The following SAMD3 variants were observed in gnomAD, a reference collection of about 807,000 sequenced individuals.
SAMD3 encodes the protein sterile alpha motif domain containing 3, also known as sterile alpha motif domain-containing protein 3.
Under a neutral mutation model 58.5 loss-of-function variants are expected in SAMD3, and 63 were observed. The observed-to-expected ratio is 1.08, with a 90% confidence interval of 0.88 to 1.33. The LOEUF is 1.33. Ranked by LOEUF, SAMD3 falls within the 40% of genes most tolerant of loss-of-function variation. SAMD3 has a pLI of 0.00. For synonymous variants in SAMD3, 220 were observed against 210.3 expected (o/e 1.05, Z -0.40); for missense variants, 604 against 608.4 (o/e 0.99, Z 0.08).
chr6:130,307,367 C>T (rs535541813), intron 2 of SAMD3, among the ~76,000 whole-genome samples: 17 of 152,246 alleles, frequency 1.1e-4, no homozygotes, highest in African/African-American at 3.1e-4. Flanking sequence ...TGAAAAATTA[C>T]GTAGCTAATC....
chr6:130,172,299 G>T (rs1297859259), intron 8 of SAMD3, among the ~76,000 whole-genome samples: 1 of 151,362 alleles, frequency 6.6e-6, no homozygotes, highest in Non-Finnish European at 1.5e-5. Flanking sequence ...AGTTTATCGC[G>T]GCATTGGTCT....
chr6:130,169,639 C>T (rs756001918), intron 8 of SAMD3, among the ~76,000 whole-genome samples: 1 of 152,122 alleles, frequency 6.6e-6, no homozygotes, highest in South Asian at 2.1e-4. Flanking sequence ...CTGGATTGAC[C>T]ATAGCAGGGT....
intron 5 of SAMD3, among the ~76,000 whole-genome samples, chr6:130,202,607 ATAGATGT>A (rs1234434897): frequency 6.6e-6 from 1 of 152,220 alleles, no homozygotes; most frequent in African/African-American, 2.4e-5. Flanking sequence ...TGTAATGTTA[ATAGATGT>A]TACACAAAGA....
At chr6:130,212,922 G>T (rs1795689927) in intron 4 of SAMD3, among the ~76,000 whole-genome samples, 1 of 152,160 alleles carries the variant, frequency 6.6e-6, no homozygotes. Flanking sequence ...TTCATCAAAA[G>T]TTACATGTTC....
intron 2 of SAMD3, among the ~76,000 whole-genome samples, chr6:130,254,370 A>C (rs75115023): frequency 6.6e-6 from 1 of 151,566 alleles, no homozygotes; most frequent in Non-Finnish European, 1.5e-5. Flanking sequence ...AATCTTTTGT[A>C]TGTTTGATAG....
chr6:130,331,634 G>T (rs369336182), intron 1 of SAMD3, among the ~76,000 whole-genome samples: 1 of 152,126 alleles, frequency 6.6e-6, no homozygotes, highest in Non-Finnish European at 1.5e-5. Flanking sequence ...CTGGAGAGTC[G>T]CTTGAACCCG....
At chr6:130,260,350 G>A (rs1774078078) in intron 2 of SAMD3, among the ~76,000 whole-genome samples, 1 of 152,196 alleles carries the variant, frequency 6.6e-6, no homozygotes, top group Admixed American at 6.5e-5. Context: ...GAAAGACATT[G>A]TGAAACTTCC....
intron 8 of SAMD3, among the ~76,000 whole-genome samples, chr6:130,164,853 G>A (rs1404670338): frequency 6.6e-6 from 1 of 152,146 alleles, no homozygotes; most frequent in African/African-American, 2.4e-5. Context: ...GGTAGAGAAG[G>A]ACAATCCTGC....
intron 7 of SAMD3, 30 bp from the exon 8 acceptor site, chr6:130,176,038 C>T: frequency 6.3e-7 from 1 of 1,577,290 alleles, no homozygotes. Flanking sequence ...AGTTAATCTT[C>T]AAGGAGATTG....
intron 2 of SAMD3, among the ~76,000 whole-genome samples, chr6:130,305,594 A>T (rs571779728): frequency 6.6e-6 from 1 of 152,294 alleles, no homozygotes; most frequent in African/African-American, 2.4e-5. Flanking sequence ...CCAGTTAGAT[A>T]AGAATTTTAG....
At chr6:130,182,061 T>C (rs1792385811) in intron 7 of SAMD3, among the ~76,000 whole-genome samples, 1 of 99,368 alleles carries the variant, frequency 1.0e-5, no homozygotes, top group African/African-American at 4.1e-5. Flanking sequence ...CAAGACTCTG[T>C]CTCAAAAAAA....
At chr6:130,323,799 T>C (rs1776662453) in intron 1 of SAMD3, among the ~76,000 whole-genome samples, 2 of 45,282 alleles carry the variant, frequency 4.4e-5, no homozygotes, top group Non-Finnish European at 6.6e-5. Flanking sequence ...GTAGACTCTG[T>C]CTCAAAAAAA....
chr6:130,253,196 A>G (rs1290540019), intron 2 of SAMD3, among the ~76,000 whole-genome samples: 1 of 152,180 alleles, frequency 6.6e-6, no homozygotes, highest in African/African-American at 2.4e-5. Flanking sequence ...ATTAGTGACA[A>G]GTTTCCTGTG....
Position 130,310,939 on chromosome 6 carries a change from T to C in SAMD3, c.-188+2039A>G, listed in dbSNP as rs373649656. On this transcript the variant is annotated intron_variant, in intron 2 of 13. Transcript: ENST00000368134. ...TGATTAAAACTGAAATCACAGCTAA[T>C]ATTCTTTTTCGGGGGATTAAGCAGG... 1.9e-3 allele frequency among the ~76,000 whole-genome samples: 286 copies of C among 152,302 alleles called. 2 individuals are homozygous for C. Among genetic ancestry groups the C allele is most frequent in the African/African-American group, 6.6e-3 (274 of 41,568 alleles).
At chr6:130,173,703 C>T (rs568933436) in intron 8 of SAMD3, among the ~76,000 whole-genome samples, 87 of 152,318 alleles carry the variant, frequency 5.7e-4, no homozygotes, top group African/African-American at 1.7e-3. Context: ...AGAGCTGGTG[C>T]GCTGTGCTGG....
At chr6:130,305,952 G>A (rs910306366) in intron 2 of SAMD3, among the ~76,000 whole-genome samples, 1 of 152,208 alleles carries the variant, frequency 6.6e-6, no homozygotes, top group East Asian at 1.9e-4. Context: ...AGCAGATTCA[G>A]TGTCCAGTGA....
chr6:130,151,315 A>G (rs1190848085), intron 9 of SAMD3, among the ~76,000 whole-genome samples: 1 of 152,044 alleles, frequency 6.6e-6, no homozygotes, highest in Non-Finnish European at 1.5e-5. Context: ...TTAATGCCTG[A>G]GTGCAGTTGC....
At chr6:130,172,926 T>G (rs538709544) in intron 8 of SAMD3, among the ~76,000 whole-genome samples, 1 of 152,370 alleles carries the variant, frequency 6.6e-6, no homozygotes, top group East Asian at 1.9e-4. Context: ...TTTTCTCTAA[T>G]CTTTTCTTCA....
rs1790329514 is a variant in SAMD3 at position 130,162,092 on chromosome 6, C to T, written c.823-7067G>A. 4 of 538,666 alleles carry T rather than the reference C, an allele frequency of 7.4e-6. No homozygotes were observed. In the South Asian group the frequency reaches 1.1e-4, roughly 15 times the overall value. 33.4% of individuals were successfully genotyped at this position (538,666 alleles called of 1,614,324 possible). A position where few individuals can be genotyped will look rare whatever the true frequency, so the allele number is the denominator to read the frequency against. On this transcript the variant is annotated intron_variant, in intron 8 of 11. Coordinates refer to ENST00000439090, the MANE Select transcript of SAMD3 (RefSeq NM_001017373.4). The stretch of plus-strand genomic sequence containing the variant: ...AGGAATCAGCGTAAATTAACCAGAA[C>T]ATTAACTTGAGTTAAAGCCAAACAA...
Sources: allele counts gnomAD v4.1 joint callset (sites outside exome capture counted in the v4.1 genomes callset), GRCh38; gene constraint gnomAD v4.1.1; transcripts MANE v1.5; gene names NCBI Gene and HGNC (gene_info 2026-07-23, HGNC 2026-07-21).